The following DIAPH2 variants were observed in gnomAD, a reference collection of about 807,000 sequenced individuals.
The protein encoded by DIAPH2 is diaphanous related formin 2, also known as protein diaphanous homolog 2.
A neutral mutation model predicts 92.7 loss-of-function variants in DIAPH2; 35 were observed. That is an observed-to-expected ratio of 0.38 (90% CI 0.29 to 0.50). DIAPH2 has a LOEUF of 0.50. Ranked by LOEUF, DIAPH2 falls within the 20% of genes least tolerant of loss-of-function variation. The pLI, the probability that DIAPH2 is intolerant of heterozygous loss-of-function variation, is 0.94. For missense variants in DIAPH2, 701 were observed against 819.5 expected, an observed-to-expected ratio of 0.86 and a Z score of 1.77; for synonymous variants, 301 against 280.4, an observed-to-expected ratio of 1.07 and a Z score of -0.73.
chrX:97,354,382 C>CT (rs935883053), intron 24 of DIAPH2, among the ~76,000 whole-genome samples: 16 of 110,955 alleles, frequency 1.4e-4, no homozygotes, highest in African/African-American at 4.6e-4. Flanking sequence ...TAAATCTGAG[C>CT]TTTTTTTTGA....
intron 4 of DIAPH2, among the ~76,000 whole-genome samples, chrX:96,862,038 T>C (rs1285622158): frequency 9.0e-6 from 1 of 111,570 alleles, no homozygotes; most frequent in African/African-American, 3.3e-5. Context: ...TACAAAGGCT[T>C]TTTGGACATC....
At chrX:96,724,852 A>G (rs1320753018) in intron 1 of DIAPH2, among the ~76,000 whole-genome samples, 8 of 112,104 alleles carry the variant, frequency 7.1e-5, no homozygotes, top group African/African-American at 2.6e-4. Context: ...GTGTATGTAT[A>G]AGGGTCATTA....
intron 24 of DIAPH2, among the ~76,000 whole-genome samples, chrX:97,380,226 C>G (rs1173535240): frequency 9.0e-6 from 1 of 111,092 alleles, no homozygotes; most frequent in East Asian, 2.8e-4. Context: ...AGACTTTTTT[C>G]TGTAAACATA....
intron 25 of DIAPH2, among the ~76,000 whole-genome samples, chrX:97,394,264 C>T (rs1242647313): frequency 1.8e-5 from 2 of 111,320 alleles, no homozygotes; most frequent in East Asian, 2.8e-4. Flanking sequence ...ACTATCGTTC[C>T]GGCATATTTT....
intron 4 of DIAPH2, among the ~76,000 whole-genome samples, chrX:96,808,392 T>G: frequency 8.9e-6 from 1 of 111,905 alleles, no homozygotes; most frequent in African/African-American, 3.2e-5. Context: ...AAAATGTTTT[T>G]TACTAAGCAG....
At chrX:96,710,256 CTG>C (rs2063909888) in intron 1 of DIAPH2, among the ~76,000 whole-genome samples, 1 of 111,790 alleles carries the variant, frequency 8.9e-6, no homozygotes, top group South Asian at 3.7e-4. Flanking sequence ...TGCAGATAAA[CTG>C]TCATTCAGTG....
At chrX:97,465,526 G>A (rs1459145157) in intron 26 of DIAPH2, among the ~76,000 whole-genome samples, 8 of 111,382 alleles carry the variant, frequency 7.2e-5, no homozygotes, top group Admixed American at 1.9e-4. Context: ...TTAAGTATAC[G>A]GGAGGATGTA....
chrX:97,373,886 G>A (rs764433189), intron 24 of DIAPH2, among the ~76,000 whole-genome samples: 2 of 110,822 alleles, frequency 1.8e-5, no homozygotes, highest in Non-Finnish European at 3.8e-5. Flanking sequence ...ACAGGCGTGA[G>A]CCACTGTGCC....
chrX:97,147,030 T>C (rs1394646159), intron 22 of DIAPH2, among the ~76,000 whole-genome samples: 1 of 108,888 alleles, frequency 9.2e-6, no homozygotes. Flanking sequence ...GTTATTCAGT[T>C]AGTTAGTGAC....
At chrX:96,880,902 T>TC (rs2065208969) in intron 4 of DIAPH2, among the ~76,000 whole-genome samples, 1 of 111,465 alleles carries the variant, frequency 9.0e-6, no homozygotes, top group African/African-American at 3.3e-5. Context: ...TAGAAACAAC[T>TC]CCATCTATAT....
chrX:96,905,056 A>C (rs766752285), intron 5 of DIAPH2, among the ~76,000 whole-genome samples: 42 of 111,665 alleles, frequency 3.8e-4, no homozygotes, highest in African/African-American at 1.3e-3. Flanking sequence ...ATAACCCTCT[A>C]TACTAGCCTT....
intron 21 of DIAPH2, among the ~76,000 whole-genome samples, chrX:97,121,444 A>G (rs149320571): frequency 2.1e-3 from 237 of 111,940 alleles, no homozygotes; most frequent in African/African-American, 7.5e-3. Flanking sequence ...ATTTGGATGT[A>G]TATTTTATTC....
chrX:96,982,024 G>T (rs1036470984), intron 17 of DIAPH2, among the ~76,000 whole-genome samples: 1 of 111,693 alleles, frequency 9.0e-6, no homozygotes, highest in Admixed American at 9.5e-5. Flanking sequence ...AGAACTGAAT[G>T]ACTCCATTTG....
chrX:97,389,427 C>G (rs1244367832), intron 25 of DIAPH2, among the ~76,000 whole-genome samples: 2 of 100,726 alleles, frequency 2.0e-5, no homozygotes, highest in Non-Finnish European at 4.0e-5. Flanking sequence ...GATCACGCCA[C>G]TGCACTCCAG....
chrX:97,478,877 G>A (rs895017248), intron 26 of DIAPH2, among the ~76,000 whole-genome samples: 5 of 111,300 alleles, frequency 4.5e-5, no homozygotes, highest in South Asian at 3.7e-4. Flanking sequence ...GTAGAATGCC[G>A]TGGTACCTCA....
At chrX:97,113,247 C>A (rs1442151460) in intron 20 of DIAPH2, among the ~76,000 whole-genome samples, 2 of 111,460 alleles carry the variant, frequency 1.8e-5, no homozygotes, top group African/African-American at 6.5e-5. Flanking sequence ...ACCTCCAGAA[C>A]TTAATTTCTT....
chrX:97,188,403 A>G (rs1288227926), intron 22 of DIAPH2, among the ~76,000 whole-genome samples: 2 of 111,719 alleles, frequency 1.8e-5, no homozygotes, highest in African/African-American at 6.5e-5. Flanking sequence ...GGGCTCACTT[A>G]ATAGAAGCAG....
chrX:97,194,140 A>G (rs892436957), intron 22 of DIAPH2, among the ~76,000 whole-genome samples: 2 of 111,184 alleles, frequency 1.8e-5, no homozygotes, highest in Non-Finnish European at 3.8e-5. Flanking sequence ...TCATATGACT[A>G]CAAGTCTTGC....
intron 23 of DIAPH2, among the ~76,000 whole-genome samples, chrX:97,285,371 C>T (rs1306533512): frequency 7.2e-5 from 4 of 55,286 alleles, no homozygotes; most frequent in Non-Finnish European, 9.3e-5. Flanking sequence ...AACCCCGTCT[C>T]TACTAAAAAT....
Sources: gnomAD v4.1 joint callset for allele counts (sites outside exome capture counted in the v4.1 genomes callset) on GRCh38, gnomAD v4.1.1 for gene constraint, MANE v1.5 for transcripts, NCBI Gene and HGNC (gene_info 2026-07-23, HGNC 2026-07-21) for gene names.